Variants in ITSN1 observed in about 807,000 individuals in gnomAD.
The protein encoded by ITSN1 is intersectin 1.
A neutral mutation model predicts 239.8 loss-of-function variants in ITSN1; 58 were observed. The ratio of observed to expected loss-of-function variants is 0.24; its 90% CI spans 0.20 to 0.30. ITSN1 has a LOEUF of 0.30. Among genes scored for constraint, ITSN1 ranks in the 10% least tolerant of loss-of-function variants. The probability of loss-of-function intolerance (pLI) is 1.00; values close to 1 mark genes in which losing one functional copy is unlikely to be tolerated. For synonymous variants in ITSN1, 780 were observed against 770.8 expected (o/e 1.01, Z -0.20); for missense variants, 1,558 against 2,103.3 (o/e 0.74, Z 5.07).
intron 5 of ITSN1, among the ~76,000 whole-genome samples, chr21:33,749,329 G>T (rs2147453035): frequency 6.6e-6 from 1 of 152,084 alleles, no homozygotes; most frequent in Admixed American, 6.6e-5. Flanking sequence ...TTCTTTATTG[G>T]TTAGAATATT....
At chr21:33,653,075 A>G (rs1251609978) in intron 1 of ITSN1, among the ~76,000 whole-genome samples, 1 of 151,364 alleles carries the variant, frequency 6.6e-6, no homozygotes, top group Non-Finnish European at 1.5e-5. Flanking sequence ...GCTCACTGCA[A>G]CCTCTGCCTC....
chr21:33,815,177 C>A (rs2073184402), intron 22 of ITSN1, among the ~76,000 whole-genome samples: 1 of 152,036 alleles, frequency 6.6e-6, no homozygotes, highest in Non-Finnish European at 1.5e-5. Context: ...GAGCCATTCC[C>A]ATAGAGAACA....
chr21:33,705,110 CAAAAAAA>C (rs1174530558), intron 1 of ITSN1, among the ~76,000 whole-genome samples: 12 of 69,732 alleles, frequency 1.7e-4, no homozygotes, highest in African/African-American at 5.5e-4. Context: ...GACTCCGTCT[CAAAAAAA>C]AAAAAAAAAA....
intron 1 of ITSN1, among the ~76,000 whole-genome samples, chr21:33,705,685 C>T (rs2092226052): frequency 6.6e-6 from 1 of 152,074 alleles, no homozygotes; most frequent in African/African-American, 2.4e-5. Flanking sequence ...AGCCACTGCA[C>T]CTGGCTAAAA....
At chr21:33,819,899 G>T (rs1039414022) in intron 24 of ITSN1, among the ~76,000 whole-genome samples, 1 of 152,004 alleles carries the variant, frequency 6.6e-6, no homozygotes, top group Non-Finnish European at 1.5e-5. Context: ...GGAGAATGGC[G>T]TGAACCCGGG....
In ITSN1 at chr21:33,762,081, G is replaced by T. The variant is rs1217942968; in HGVS notation, c.788+95G>T. 8.1e-6 allele frequency: 7 copies of T among 860,050 alleles called. No individual in the cohort carries two copies. The East Asian group carries it at 1.5e-4, about 18-fold the overall frequency. The allele number at this position is 860,050 out of a possible 1,614,324, so 53.3% of individuals were successfully genotyped here. A position where few individuals can be genotyped will look rare whatever the true frequency, so the allele number is the denominator to read the frequency against. Reference sequence around the variant, plus strand: ...TTTAGATTAATACCGTTTTTTATGGGGGAATATGTAGAATTTGCTTAATTT... The same window carrying T: ...TTTAGATTAATACCGTTTTTTATGGTGGAATATGTAGAATTTGCTTAATTT... On this transcript the variant is annotated intron_variant, in intron 9 of 39. Transcript: ENST00000381318.
At chr21:33,839,684 C>G (rs2074757623) in intron 29 of ITSN1, among the ~76,000 whole-genome samples, 1 of 152,210 alleles carries the variant, frequency 6.6e-6, no homozygotes, top group South Asian at 2.1e-4. Flanking sequence ...AACACTCTAC[C>G]TAATTCACTC....
rs1317850766 is a variant in ITSN1, at chr21:33,883,673, T to G, written c.4676+2T>G. The G allele has an allele frequency of 6.2e-7, 1 of 1,612,582 alleles. No homozygotes were observed. Among genetic ancestry groups the G allele is most frequent in the African/African-American group, 1.3e-5 (1 of 74,970 alleles). On this transcript the variant is annotated splice_donor_variant, in intron 36 of 39. Transcript: ENST00000381318. LOFTEE classifies it high-confidence loss of function. ...CCGAGCAGAAAGCATAAATGAAAGG[T>G]GAGACCTGCCGCCTCCCCAGCATGG...
Position 33,829,749 on chromosome 21 carries a change from A to G in ITSN1, c.3351+4A>G, listed in dbSNP as rs1394420146. 6.2e-7 allele frequency: 1 copy of G among 1,613,456 alleles called. No homozygotes were observed. Among genetic ancestry groups the G allele is most frequent in the Admixed American group, 1.7e-5 (1 of 59,888 alleles). On this transcript the variant is annotated splice_donor_region_variant and intron_variant, in intron 27 of 39. Transcript: ENST00000381318. The stretch of plus-strand genomic sequence containing the variant: ...ATGGTGGGAAGGAGAGCTGCAAGTC[A>G]GTGTCTTTTTTGTTTATTTACAATT...
At chr21:33,858,885 G>T in intron 31 of ITSN1, 93 bp downstream of exon 31, 1 of 633,826 alleles carries the variant, frequency 1.6e-6, no homozygotes, top group Non-Finnish European at 2.8e-6. Context: ...CTTGCATGCT[G>T]CCCTGTGCTT....
chr21:33,806,371 T>C (rs368928371), intron 20 of ITSN1, among the ~76,000 whole-genome samples: 21 of 152,246 alleles, frequency 1.4e-4, no homozygotes, highest in African/African-American at 3.6e-4. Context: ...ACCTGTTTGC[T>C]ACACTTGTTT....
chr21:33,815,657 G>A (rs2073217227), intron 22 of ITSN1, among the ~76,000 whole-genome samples: 1 of 152,156 alleles, frequency 6.6e-6, no homozygotes, highest in Admixed American at 6.5e-5. Flanking sequence ...AGATGGGAAT[G>A]GAAAAGTGAA....
intron 19 of ITSN1, among the ~76,000 whole-genome samples, 176 bp downstream of exon 19, chr21:33,800,105 G>A (rs936803005): frequency 6.6e-6 from 1 of 151,740 alleles, no homozygotes. Context: ...ATGAAAGATG[G>A]CATTTAAAAA....
chr21:33,834,277 A>G, intron 27 of ITSN1, 30 bp from the exon 28 acceptor site: 1 of 1,531,140 alleles, frequency 6.5e-7, no homozygotes, highest in South Asian at 1.1e-5. Context: ...GCGCCTTTAA[A>G]AATGTTTGAT....
chr21:33,842,524 G>GTGTA (rs1473737394), intron 29 of ITSN1, among the ~76,000 whole-genome samples: 1 of 152,038 alleles, frequency 6.6e-6, no homozygotes, highest in African/African-American at 2.4e-5. Context: ...GTGTGTGTGT[G>GTGTA]TGTGTGACAG....
At chr21:33,765,370 C>T (rs1443360927) in intron 9 of ITSN1, among the ~76,000 whole-genome samples, 1 of 152,174 alleles carries the variant, frequency 6.6e-6, no homozygotes, top group Non-Finnish European at 1.5e-5. Flanking sequence ...TGGTGGCGCA[C>T]ACCTTGTAAT....
intron 3 of ITSN1, 108 bp downstream of exon 3, chr21:33,721,378 T>C: frequency 2.7e-6 from 2 of 736,210 alleles, no homozygotes. Context: ...GGAGAGACAT[T>C]TACCTGTTTT....
chr21:33,808,628 G>A (rs775893503), intron 20 of ITSN1, among the ~76,000 whole-genome samples: 25 of 151,714 alleles, frequency 1.6e-4, no homozygotes, highest in Non-Finnish European at 2.9e-4. Context: ...CCAGGCATTG[G>A]TGTAAATATT....
chr21:33,655,000 T>A (rs1568851367), intron 1 of ITSN1, among the ~76,000 whole-genome samples: 1 of 152,204 alleles, frequency 6.6e-6, no homozygotes, highest in Non-Finnish European at 1.5e-5. Context: ...ATTCTTTTTA[T>A]GATACTACCT....
Sources: allele counts gnomAD v4.1 joint callset (sites outside exome capture counted in the v4.1 genomes callset), GRCh38; gene constraint gnomAD v4.1.1; transcripts MANE v1.5; gene names NCBI Gene and HGNC (gene_info 2026-07-23, HGNC 2026-07-21).